The following ANKRD22 variants were observed in gnomAD, a reference collection of about 807,000 sequenced individuals.
The protein encoded by ANKRD22 is ankyrin repeat domain 22, also known as ankyrin repeat domain-containing protein 22.
Under a neutral mutation model 25.7 loss-of-function variants are expected in ANKRD22, and 24 were observed. The observed-to-expected ratio is 0.93, with a 90% CI of 0.68 to 1.31. The LOEUF is 1.31. Ranked by LOEUF, ANKRD22 falls within the 50% of genes most tolerant of loss-of-function variation. The probability of loss-of-function intolerance (pLI) is 0.00; values close to 1 mark genes in which losing one functional copy is unlikely to be tolerated. For synonymous variants in ANKRD22, 84 were observed against 84.3 expected (o/e 1.00, Z 0.02); for missense variants, 214 against 227.1 (o/e 0.94, Z 0.37).
In ANKRD22 at chr10:88,822,867, G is replaced by T; in HGVS notation, c.*74C>A. On this transcript the variant is annotated 3_prime_UTR_variant, in exon 6 of 6. Transcript: ENST00000371930. ...TGGCATCCAGGTTAAATGGCCCACAGACCAAAAGTCTAAAATGAAGATAGA... is the reference window on the plus strand; with the variant it reads ...TGGCATCCAGGTTAAATGGCCCACATACCAAAAGTCTAAAATGAAGATAGA... 7.1e-7 allele frequency: 1 copy of T among 1,400,126 alleles called. No homozygotes were observed. The highest frequency in any genetic ancestry group is 1.2e-5 in the South Asian group (1 of 82,368). 86.7% of individuals were successfully genotyped at this position (1,400,126 alleles called of 1,614,324 possible).
intron 1 of ANKRD22, among the ~76,000 whole-genome samples, chr10:88,835,691 G>A (rs998414750): frequency 6.6e-6 from 1 of 152,196 alleles, no homozygotes; most frequent in African/African-American, 2.4e-5. Context: ...GAACACTGCT[G>A]TATATGCTGT....
intron 1 of ANKRD22, among the ~76,000 whole-genome samples, chr10:88,841,119 C>T (rs984418087): frequency 6.6e-6 from 1 of 152,098 alleles, no homozygotes. Flanking sequence ...GCTAAAAAAA[C>T]CCCATTGCCA....
intron 2 of ANKRD22, 140 bp downstream of exon 2, chr10:88,831,695 T>C: frequency 1.2e-6 from 1 of 804,160 alleles, no homozygotes; most frequent in South Asian, 2.6e-5. Context: ...TATGTGTCAG[T>C]CTTTCTAAAG....
intron 2 of ANKRD22, among the ~76,000 whole-genome samples, chr10:88,830,782 G>T (rs1289914777): frequency 6.6e-6 from 1 of 152,094 alleles, no homozygotes; most frequent in South Asian, 2.1e-4. Flanking sequence ...CCTAACGAGC[G>T]CACCTCTTAA....
intron 1 of ANKRD22, among the ~76,000 whole-genome samples, chr10:88,851,130 A>T (rs1435319029): frequency 6.6e-6 from 1 of 152,146 alleles, no homozygotes; most frequent in South Asian, 2.1e-4. Context: ...CTTTACTAAT[A>T]TTTACTAAAG....
chr10:88,825,003 T>TCACACACACACA (rs1429940409), intron 4 of ANKRD22, among the ~76,000 whole-genome samples: 1 of 91,170 alleles, frequency 1.1e-5, no homozygotes, highest in African/African-American at 3.1e-5. Context: ...TCTCTCTCTC[T>TCACACACACACA]CTCTCTCTCA....
chr10:88,825,909 A>G, intron 4 of ANKRD22, 129 bp downstream of exon 4: 1 of 783,702 alleles, frequency 1.3e-6, no homozygotes, highest in African/African-American at 1.7e-5. Flanking sequence ...GGGAAAAAAA[A>G]GGAGAAAATA....
chr10:88,837,904 T>C (rs1437391735), intron 1 of ANKRD22, among the ~76,000 whole-genome samples: 1 of 152,244 alleles, frequency 6.6e-6, no homozygotes, highest in Admixed American at 6.5e-5. Flanking sequence ...TGCCAGATTG[T>C]GAGGCCTTCT....
At chr10:88,851,552 A>G in intron 1 of ANKRD22, 35 bp downstream of exon 1, 8 of 1,611,788 alleles carry the variant, frequency 5.0e-6, no homozygotes, top group South Asian at 3.3e-5. Flanking sequence ...AACTTTTAAC[A>G]TCTTTGGAAC....
intron 1 of ANKRD22, among the ~76,000 whole-genome samples, chr10:88,846,922 T>C (rs1024092177): frequency 3.9e-5 from 6 of 152,188 alleles, no homozygotes; most frequent in African/African-American, 1.4e-4. Flanking sequence ...TGCTGCTTTC[T>C]GATCAGCAGA....
intron 1 of ANKRD22, among the ~76,000 whole-genome samples, chr10:88,849,872 G>T (rs1160669008): frequency 1.3e-5 from 2 of 151,932 alleles, no homozygotes; most frequent in East Asian, 3.9e-4. Context: ...CAGCTCTCTG[G>T]GATCCTCCCT....
intron 2 of ANKRD22, 115 bp from the exon 3 acceptor site, chr10:88,828,781 T>A: frequency 8.9e-6 from 6 of 674,108 alleles, no homozygotes; most frequent in Non-Finnish European, 1.5e-5. Flanking sequence ...ACCCATGGCA[T>A]CTTTTCCTGT....
intron 1 of ANKRD22, 130 bp downstream of exon 1, chr10:88,851,457 T>C: frequency 1.1e-6 from 1 of 925,658 alleles, no homozygotes; most frequent in Non-Finnish European, 1.7e-6. Context: ...TTATTTTTTC[T>C]GACTTAATGC....
chr10:88,831,851 A>G lies in ANKRD22; in HGVS notation c.197T>C (p.Val66Ala). 10 of 1,608,878 alleles carry G rather than the reference A, an allele frequency of 6.2e-6. No individual in the cohort carries two copies. The highest frequency in any genetic ancestry group is 8.5e-6 in the Non-Finnish European group (10 of 1,178,172). ...VSFLLRRNAN[V>A]NLKNQKERTC... ...TGACCTCACCTGGTTTTTGAGGTTG[A>G]CATTAGCATTTCTTCTTAAAAGGAA... The change falls in exon 2 of 6, where the codon GTC (valine) becomes GCC (alanine). Residue 66 changes from valine to alanine, a missense_variant. Transcript: ENST00000371930.
rs570839667 is a variant in ANKRD22 at position 88,846,518 on chromosome 10, C to T, written c.21+5069G>A. 9.2e-5 allele frequency among the ~76,000 whole-genome samples: 14 copies of T among 152,266 alleles called. No individual in the cohort carries two copies. In the South Asian group the frequency reaches 1.9e-3, roughly 20 times the overall value. On this transcript the variant is annotated intron_variant, in intron 1 of 5. Transcript: ENST00000371930. ...GTCAAGGAATAACAAAATCTTGCAGCCTTCATCCAGTCCAGCTTCCCTGCA... is the reference window on the plus strand; with the variant it reads ...GTCAAGGAATAACAAAATCTTGCAGTCTTCATCCAGTCCAGCTTCCCTGCA...
intron 1 of ANKRD22, among the ~76,000 whole-genome samples, chr10:88,847,877 G>C (rs544697192): frequency 6.6e-6 from 1 of 151,982 alleles, no homozygotes; most frequent in South Asian, 2.1e-4. Context: ...TCCTGCACAG[G>C]TGCCATTTTT....
intron 1 of ANKRD22, among the ~76,000 whole-genome samples, chr10:88,834,949 A>AG (rs151099490): frequency 0.027 from 4,074 of 152,210 alleles, 165 homozygotes; most frequent in African/African-American, 0.092. Flanking sequence ...AAAAAAAGAA[A>AG]GAAAAAAAAG....
rs895806322 is a variant in ANKRD22 at position 88,829,700 on chromosome 10, T to C, written c.214-1034A>G. Among the ~76,000 whole-genome samples the C allele has an allele frequency of 5.9e-5, 9 of 152,388 alleles. No homozygotes were observed. In the South Asian group the frequency reaches 1.9e-3, roughly 32 times the overall value. ...TGATTGTAATGGCTGCATGGCTTAG[T>C]ATTGAGTGGAACTACTCTGATGTAT... On this transcript the variant is annotated intron_variant, in intron 2 of 5. Coordinates refer to ENST00000371930, the MANE Select transcript of ANKRD22 (RefSeq NM_144590.3).
Position 88,826,028 on chromosome 10 carries a change from A to G in ANKRD22, c.399+10T>C. 1.2e-6 allele frequency: 2 copies of G among 1,601,704 alleles called. No homozygotes were observed. Among genetic ancestry groups the G allele is most frequent in the Non-Finnish European group, 1.7e-6 (2 of 1,171,808 alleles). On this transcript the variant is annotated intron_variant, in intron 4 of 5. Coordinates refer to ENST00000371930, the MANE Select transcript of ANKRD22 (RefSeq NM_144590.3). ...ATATTTTTTCAAAATGGCTAAAAGTATAAACTTACACAATCTGTAGCATTA... is the reference window on the plus strand; with the variant it reads ...ATATTTTTTCAAAATGGCTAAAAGTGTAAACTTACACAATCTGTAGCATTA...
Sources: allele counts gnomAD v4.1 joint callset (sites outside exome capture counted in the v4.1 genomes callset), GRCh38; gene constraint gnomAD v4.1.1; transcripts MANE v1.5; gene names NCBI Gene and HGNC (gene_info 2026-07-23, HGNC 2026-07-21).